The following CSMD3 variants were observed in gnomAD, a reference collection of about 807,000 sequenced individuals.
CSMD3 encodes the protein CUB and sushi domain-containing protein 3.
CSMD3 carries 177 observed loss-of-function variants against 435.2 expected under a neutral mutation model. The observed-to-expected ratio is 0.41, with a 90% CI of 0.36 to 0.46. CSMD3 has a LOEUF of 0.46. CSMD3 is among the 20% of genes least tolerant of loss of function. The pLI is 0.34. For missense variants in CSMD3, 4,265 were observed against 4,504.6 expected (o/e 0.95, Z 1.52); for synonymous variants, 1,656 against 1,520.5 (o/e 1.09, Z -2.07).
intron 10 of CSMD3, among the ~76,000 whole-genome samples, chr8:112,867,488 A>G (rs542442925): frequency 6.6e-6 from 1 of 152,202 alleles, no homozygotes; most frequent in Non-Finnish European, 1.5e-5. Flanking sequence ...TAAACATCAT[A>G]GAGTGTGCTT....
At chr8:112,929,607 AT>A (rs1564116249) in intron 9 of CSMD3, among the ~76,000 whole-genome samples, 1 of 152,054 alleles carries the variant, frequency 6.6e-6, no homozygotes, top group African/African-American at 2.4e-5. Context: ...TAGATCTTCA[AT>A]TCTACATAAG....
intron 31 of CSMD3, among the ~76,000 whole-genome samples, chr8:112,476,501 T>C (rs1819066664): frequency 6.6e-6 from 1 of 152,146 alleles, no homozygotes; most frequent in Non-Finnish European, 1.5e-5. Flanking sequence ...TATTTGACCA[T>C]GAAAAATTTT....
intron 13 of CSMD3, among the ~76,000 whole-genome samples, chr8:112,791,998 G>C (rs1014087764): frequency 6.6e-6 from 1 of 151,968 alleles, no homozygotes; most frequent in African/African-American, 2.4e-5. Context: ...ACACTTTCTA[G>C]CCATCTGTAT....
rs7017009 is a variant in CSMD3 at position 113,262,094 on chromosome 8, T to C, written c.514+16498A>G. ...ATATATGTCTTACAAAGAAGAAATA[T>C]ATATTTAGAAGATGCATTTATATTA... On this transcript the variant is annotated intron_variant, in intron 3 of 70. Transcript: ENST00000297405. 4.2e-3 allele frequency among the ~76,000 whole-genome samples: 641 copies of C among 152,180 alleles called. 3 individuals are homozygous for C. Among genetic ancestry groups the C allele is most frequent in the African/African-American group, 0.013 (547 of 41,558 alleles).
At chr8:113,326,515 G>A (rs1025325941) in intron 1 of CSMD3, among the ~76,000 whole-genome samples, 1 of 151,788 alleles carries the variant, frequency 6.6e-6, no homozygotes, top group Non-Finnish European at 1.5e-5. Flanking sequence ...TATTTCTATT[G>A]TCAAGGAACA....
intron 5 of CSMD3, among the ~76,000 whole-genome samples, chr8:113,066,893 A>G (rs1006121397): frequency 6.6e-6 from 1 of 152,072 alleles, no homozygotes; most frequent in African/African-American, 2.4e-5. Context: ...ATGCTATTCC[A>G]TAATACATTA....
chr8:112,462,706 C>T (rs1029653787), intron 32 of CSMD3, among the ~76,000 whole-genome samples: 5 of 152,054 alleles, frequency 3.3e-5, no homozygotes, highest in Admixed American at 6.5e-5. Flanking sequence ...GTATAAATTA[C>T]AGCTTATATT....
intron 12 of CSMD3, among the ~76,000 whole-genome samples, chr8:112,801,237 G>C (rs956972010): frequency 6.6e-6 from 1 of 151,894 alleles, no homozygotes; most frequent in African/African-American, 2.4e-5. Flanking sequence ...AAAAACCTAC[G>C]AGAGTGTTTA....
intron 1 of CSMD3, among the ~76,000 whole-genome samples, chr8:113,404,351 A>G (rs2094523199): frequency 2.0e-5 from 3 of 151,422 alleles, no homozygotes; most frequent in African/African-American, 7.2e-5. Flanking sequence ...AGCAAAGAAT[A>G]AACTAAATTC....
At chr8:112,981,584 AATAAT>A (rs1322207443) in intron 6 of CSMD3, among the ~76,000 whole-genome samples, 5 of 151,678 alleles carry the variant, frequency 3.3e-5, no homozygotes, top group African/African-American at 9.7e-5. Flanking sequence ...TGAATAAATA[AATAAT>A]ATATTTGCAA....
At chr8:112,805,999 A>G (rs1226433152) in intron 12 of CSMD3, among the ~76,000 whole-genome samples, 2 of 152,160 alleles carry the variant, frequency 1.3e-5, no homozygotes, top group Non-Finnish European at 2.9e-5. Context: ...CCTTCAATAG[A>G]CAAATTGCAA....
At chr8:112,951,031 T>TCC (rs999360631) in intron 8 of CSMD3, among the ~76,000 whole-genome samples, 5 of 151,906 alleles carry the variant, frequency 3.3e-5, no homozygotes, top group African/African-American at 1.2e-4. Context: ...ATTTAAAATG[T>TCC]AAGGATAATG....
intron 32 of CSMD3, among the ~76,000 whole-genome samples, chr8:112,411,117 T>A (rs1204856705): frequency 1.0e-4 from 13 of 128,080 alleles, no homozygotes; most frequent in South Asian, 5.1e-4. Context: ...GAAAAAAAAA[T>A]TCATCTTTTT....
At position 112,800,117 on chromosome 8, in the gene CSMD3, T is replaced by C. The variant is rs763063891; in HGVS notation, c.1972+45A>G. 11 of 1,240,144 alleles carry C rather than the reference T, an allele frequency of 8.9e-6. 1 individual carries two copies. In the South Asian group the frequency reaches 1.3e-4, roughly 15 times the overall value. The allele number at this position is 1,240,144 out of a possible 1,614,324, so 76.8% of individuals were successfully genotyped here. ...TAAACGTGAATTTAAAAATATTCTC[T>C]GGTGGTATTAAGATAACATTTCCTA... On this transcript the variant is annotated intron_variant, in intron 13 of 70. Transcript: ENST00000297405.
At chr8:113,152,350 G>A (rs2091827756) in intron 4 of CSMD3, among the ~76,000 whole-genome samples, 1 of 151,988 alleles carries the variant, frequency 6.6e-6, no homozygotes, top group East Asian at 1.9e-4. Context: ...TAAAAATCAA[G>A]GATATGGAAC....
intron 1 of CSMD3, among the ~76,000 whole-genome samples, chr8:113,413,010 A>C (rs775866950): frequency 6.6e-6 from 1 of 152,152 alleles, no homozygotes; most frequent in African/African-American, 2.4e-5. Context: ...ATGATAAATT[A>C]GCTATCTCCA....
At chr8:112,578,327 C>A (rs758709144) in intron 23 of CSMD3, among the ~76,000 whole-genome samples, 2 of 151,802 alleles carry the variant, frequency 1.3e-5, no homozygotes, top group African/African-American at 2.4e-5. Flanking sequence ...CAGGGGCATT[C>A]GGTTTTTTGT....
chr8:112,318,819 A>T lies in CSMD3; in HGVS notation c.7360+18T>A, dbSNP rs577552973. On this transcript the variant is annotated intron_variant, in intron 47 of 70. Coordinates refer to ENST00000297405, the MANE Select transcript of CSMD3 (RefSeq NM_198123.2). ...GCAAATATTTAAGAAATAAATAATCATAGGAACCATTGAATACCTTGACAA... is the reference window on the plus strand; with the variant it reads ...GCAAATATTTAAGAAATAAATAATCTTAGGAACCATTGAATACCTTGACAA... The T allele has an allele frequency of 6.7e-7, 1 of 1,500,584 alleles. No individual in the cohort carries two copies. Among genetic ancestry groups the T allele is most frequent in the South Asian group, 1.1e-5 (1 of 88,646 alleles). The allele number at this position is 1,500,584 out of a possible 1,614,324, so 93.0% of individuals were successfully genotyped here.
At chr8:113,392,564 A>G (rs2094465475) in intron 1 of CSMD3, among the ~76,000 whole-genome samples, 1 of 152,136 alleles carries the variant, frequency 6.6e-6, no homozygotes, top group African/African-American at 2.4e-5. Context: ...AACCAAGGTC[A>G]AAGCTAGGAG....
Sources: allele counts gnomAD v4.1 joint callset (sites outside exome capture counted in the v4.1 genomes callset), GRCh38; gene constraint gnomAD v4.1.1; transcripts MANE v1.5; gene names NCBI Gene and HGNC (gene_info 2026-07-23, HGNC 2026-07-21).